Variants in GSDMD observed in about 807,000 individuals in gnomAD.
The protein encoded by GSDMD is gasdermin-D.
A neutral mutation model predicts 46.7 loss-of-function variants in GSDMD; 46 were observed. That is an observed-to-expected ratio of 0.99 (90% CI 0.78 to 1.26). GSDMD has a LOEUF of 1.26. Among genes scored for constraint, GSDMD ranks in the 50% most tolerant of loss-of-function variants. The pLI is 0.00. For synonymous variants in GSDMD, 307 were observed against 283.1 expected (o/e 1.08, Z -0.85); for missense variants, 649 against 638.8 (o/e 1.02, Z -0.17).
At chr8:143,558,495 C>T (rs910780569) in intron 1 of GSDMD, 44 bp downstream of exon 1, 88 of 1,408,340 alleles carry the variant, frequency 6.2e-5, no homozygotes, top group Non-Finnish European at 7.5e-5. Flanking sequence ...CTGGAGCTCC[C>T]GAGTGGGGCC....
At chr8:143,554,603 C>T (rs770307389), upstream of GSDMD, among the ~76,000 whole-genome samples, 15 of 149,464 alleles carry the variant, frequency 1.0e-4, no homozygotes, top group Non-Finnish European at 2.1e-4. Context: ...ACGCGCACAA[C>T]GCGCACACAA....
At chr8:143,559,678 C>G (rs1245425470) in intron 2 of GSDMD, 99 bp from the exon 3 acceptor site, 9 of 1,450,504 alleles carry the variant, frequency 6.2e-6, no homozygotes, top group Non-Finnish European at 8.4e-6. Context: ...AGGCCGGGGC[C>G]TTTCCAAAGG....
At position 143,562,648 on chromosome 8, in the gene GSDMD, C is replaced by G; in HGVS notation, c.1213-14C>G. 1 of 1,606,080 alleles carries G rather than the reference C, an allele frequency of 6.2e-7. No individual in the cohort carries two copies. On this transcript the variant is annotated splice_polypyrimidine_tract_variant and intron_variant, in intron 10 of 10. Transcript: ENST00000262580. ...GATTTCCCCATCTGACTCACTCCTG[C>G]CCTGTCTTGGCAGGTGGGCAGCCTC... is the stretch of plus-strand genomic sequence containing the variant.
upstream of GSDMD, among the ~76,000 whole-genome samples, chr8:143,554,495 CAT>C (rs1823264746): frequency 6.6e-6 from 1 of 151,804 alleles, no homozygotes; most frequent in Admixed American, 6.6e-5. Flanking sequence ...CGTGCATACA[CAT>C]ACGCACAATA....
chr8:143,554,476 CA>C (rs1241095024), upstream of GSDMD, among the ~76,000 whole-genome samples: 28 of 150,542 alleles, frequency 1.9e-4, no homozygotes, highest in South Asian at 2.1e-3. Context: ...CACATGTACA[CA>C]ACACGCACGT....
intron 6 of GSDMD, 84 bp downstream of exon 6, chr8:143,561,507 C>A (rs1823461121): frequency 1.4e-6 from 2 of 1,381,328 alleles, no homozygotes; most frequent in African/African-American, 2.9e-5. Flanking sequence ...CTCATGTTCT[C>A]AGGGCACAGG....
At position 143,562,115 on chromosome 8, in the gene GSDMD, G is replaced by T; in HGVS notation, c.980G>T (p.Arg327Leu). The T allele has an allele frequency of 6.3e-7, 1 of 1,597,798 alleles. No homozygotes were observed. Among genetic ancestry groups the T allele is most frequent in the Non-Finnish European group, 8.5e-7 (1 of 1,178,248 alleles). ...GTGCTGCGGGACCAGCTGGCCCTGC[G>T]AGCCTTGGAGGAGGCGGTGAGCGGG... ...EGVLRDQLAL[R>L]ALEEALEQGQ... Residue 327 changes from arginine to leucine, a missense_variant, in exon 8 of 11, where the codon CGA (arginine) becomes CTA (leucine). Coordinates refer to ENST00000262580, the MANE Select transcript of GSDMD (RefSeq NM_024736.7).
At chr8:143,554,585 G>A (rs1415556992), upstream of GSDMD, among the ~76,000 whole-genome samples, 9 of 145,976 alleles carry the variant, frequency 6.2e-5, no homozygotes, top group South Asian at 2.2e-4. Context: ...CAACACGCAC[G>A]TGCATACACG....
rs767598450 is a variant in GSDMD at position 143,562,714 on chromosome 8, C to T, written c.1265C>T (p.Ser422Phe). 12 of 1,595,698 alleles carry T rather than the reference C, an allele frequency of 7.5e-6. No individual in the cohort carries two copies. Among genetic ancestry groups the T allele is most frequent in the Non-Finnish European group, 1.0e-5 (12 of 1,171,228 alleles). ...CCGTGGCAGGAGCGCAGCACCATGT[C>T]CCTGCCCCCCGGGCTCCTGGGGAAC... ...SAPWQERSTM[S>F]LPPGLLGNSW... Residue 422 changes from serine (S) to phenylalanine (F), a missense_variant, in exon 11 of 11, where the codon TCC becomes TTC. Ser to Phe is a radical substitution (Grantham distance 155, BLOSUM62 -2). Transcript: ENST00000262580.
At chr8:143,556,943 G>C (rs192631006), upstream of GSDMD, among the ~76,000 whole-genome samples, 3 of 152,224 alleles carry the variant, frequency 2.0e-5, no homozygotes, top group Non-Finnish European at 2.9e-5. Context: ...CATCACCAAC[G>C]GCCAATATCA....
chr8:143,560,200 A>T, intron 3 of GSDMD: 1 of 696,842 alleles, frequency 1.4e-6, no homozygotes, highest in Non-Finnish European at 2.6e-6. Context: ...GAAGGTCACA[A>T]CCTTGGGGCA....
chr8:143,554,311 C>G (rs114769766), upstream of GSDMD, among the ~76,000 whole-genome samples: 2,697 of 152,376 alleles, frequency 0.018, 80 homozygotes, highest in African/African-American at 0.061. Context: ...GCACATTGGG[C>G]AAATGCACGT....
rs750522920 is a variant in GSDMD, at chr8:143,561,777, C to T, written c.772C>T (p.Gln258Ter). 1.2e-6 allele frequency: 2 copies of T among 1,610,468 alleles called. No homozygotes were observed. Among genetic ancestry groups the T allele is most frequent in the Admixed American group, 3.3e-5 (2 of 59,728 alleles). The change falls in exon 7 of 11, where the codon CAG (glutamine) becomes TAG (stop). Residue 258 changes from glutamine to a stop codon, truncating the protein, a stop_gained. Transcript: ENST00000262580. LOFTEE classifies it high-confidence loss of function. ...TTCCACGAGCGAAGGCGCCTGGCCA[C>T]AGCTGCCCTCTGGCCTCTCCATGAT... ...KRSTSEGAWP[Q>*]LPSGLSMMRC...
chr8:143,558,249 C>A, upstream of GSDMD: 1 of 1,396,438 alleles, frequency 7.2e-7, no homozygotes, highest in South Asian at 1.4e-5. Context: ...GCTGGTGCTC[C>A]AGGCGGGCTG....
At chr8:143,558,292 G>A (rs539570186), upstream of GSDMD, 35 of 1,491,296 alleles carry the variant, frequency 2.3e-5, no homozygotes, top group Admixed American at 4.4e-4. Context: ...GGGCCGGGGC[G>A]GGCTCTCCGG....
At position 143,561,057 on chromosome 8, in the gene GSDMD, G is replaced by T. The variant is rs1254583219; in HGVS notation, c.635G>T (p.Ser212Ile). Residue 212 changes from serine (S) to isoleucine (I), a missense_variant, in exon 5 of 11, where the codon AGC becomes ATC. By Grantham distance (142) the Ser-to-Ile change is moderately radical (BLOSUM62 -2). Transcript: ENST00000262580. The part of the protein sequence containing the change: ...QKKTVTIPSG[S>I]TLAFRVAQLV... ...AAGACGGTCACCATCCCCTCAGGCA[G>T]CACCCTCGCATTCCGGGTGGCCCAG... 5 of 1,613,178 alleles carry T rather than the reference G, an allele frequency of 3.1e-6. No individual in the cohort carries two copies. Among genetic ancestry groups the T allele is most frequent in the African/African-American group, 1.3e-5 (1 of 75,074 alleles).
chr8:143,561,302 G>A, intron 5 of GSDMD, 68 bp from the exon 6 acceptor site: 3 of 1,451,094 alleles, frequency 2.1e-6, no homozygotes, highest in Non-Finnish European at 2.8e-6. Context: ...GCTCCTAGTA[G>A]GGGAGGGGAG....
In GSDMD at chr8:143,559,925, G is replaced by A. The variant is rs370926937; in HGVS notation, c.366G>A (p.Ser122=). ...DSSSTSMNVY[S]LSVDPNTWQT... ...CCAGCACCTCAATGAATGTGTACTC[G>A]CTGAGTGTGGACCCTAACACCTGGC... The change falls in exon 3 of 11, where the codon TCG becomes TCA. Residue 122 remains serine (S), a synonymous_variant. Coordinates refer to ENST00000262580, the MANE Select transcript of GSDMD (RefSeq NM_024736.7). 5 of 1,612,796 alleles carry A rather than the reference G, an allele frequency of 3.1e-6. No individual in the cohort carries two copies. The highest frequency in any genetic ancestry group is 2.5e-6 in the Non-Finnish European group (3 of 1,179,958).
intron 2 of GSDMD, 52 bp downstream of exon 2, chr8:143,559,604 G>T: frequency 6.4e-7 from 1 of 1,552,638 alleles, no homozygotes; most frequent in East Asian, 2.2e-5. Flanking sequence ...ATGGGAGAGG[G>T]GAGCGGGCTG....
Sources: gnomAD v4.1 joint callset for allele counts (sites outside exome capture counted in the v4.1 genomes callset) on GRCh38, gnomAD v4.1.1 for gene constraint, MANE v1.5 for transcripts, NCBI Gene and HGNC (gene_info 2026-07-23, HGNC 2026-07-21) for gene names.